The following BAIAP2 variants were observed in gnomAD, a reference collection of about 807,000 sequenced individuals.
BAIAP2 encodes BAR/IMD domain containing adaptor protein 2, also known as BAR/IMD domain-containing adapter protein 2.
Under a neutral mutation model 63.0 loss-of-function variants are expected in BAIAP2, and 18 were observed. That is an observed-to-expected ratio of 0.29 (90% CI 0.20 to 0.42). The LOEUF (loss-of-function observed/expected upper bound fraction) is 0.42, where lower values mean the gene tolerates loss of function less well. Ranked by LOEUF, BAIAP2 falls within the 10% of genes least tolerant of loss-of-function variation. The probability of loss-of-function intolerance (pLI) is 1.00; values close to 1 mark genes in which losing one functional copy is unlikely to be tolerated. For synonymous variants in BAIAP2, 386 were observed against 307.6 expected (o/e 1.25, Z -2.67); for missense variants, 610 against 734.3 (o/e 0.83, Z 1.96).
chr17:81,063,962 C>G (rs200022957), intron 3 of BAIAP2: 2 of 124,886 alleles, frequency 1.6e-5, no homozygotes, highest in South Asian at 2.7e-4. Flanking sequence ...TCAGCTCAGA[C>G]CAGCCCCTTG....
chr17:81,116,249 G>A lies in BAIAP2; in HGVS notation c.*410G>A, dbSNP rs1231136990. On this transcript the variant is annotated 3_prime_UTR_variant, in exon 14 of 14. Coordinates refer to ENST00000428708, the MANE Select transcript of BAIAP2 (RefSeq NM_001144888.2). ...CACCAGGTGTGATCTGTCCGCCCAA[G>A]GGCCAGAAGGCCGGGAGCACGGGGA... The A allele has an allele frequency of 1.2e-6, 2 of 1,612,648 alleles. No individual in the cohort carries two copies. Among genetic ancestry groups the A allele is most frequent in the Non-Finnish European group, 1.7e-6 (2 of 1,179,800 alleles).
At chr17:81,078,103 G>A (rs1224089826) in intron 3 of BAIAP2, among the ~76,000 whole-genome samples, 2 of 146,622 alleles carry the variant, frequency 1.4e-5, no homozygotes, top group Non-Finnish European at 3.0e-5. Context: ...CGGTGCGGGT[G>A]TCGTCTTGGG....
chr17:81,079,539 C>G (rs895464281), intron 3 of BAIAP2, among the ~76,000 whole-genome samples: 1 of 152,000 alleles, frequency 6.6e-6, no homozygotes, highest in Non-Finnish European at 1.5e-5. Context: ...TCCTCACTCC[C>G]CAGCATCCCT....
intron 1 of BAIAP2, among the ~76,000 whole-genome samples, chr17:81,036,699 C>T (rs148850544): frequency 6.6e-5 from 10 of 152,296 alleles, no homozygotes; most frequent in Middle Eastern, 3.4e-3. Context: ...CCTGAGGAGT[C>T]GGCTTGGGAA....
At chr17:81,112,291 G>C (rs1487505421) in intron 13 of BAIAP2, among the ~76,000 whole-genome samples, 5 of 152,248 alleles carry the variant, frequency 3.3e-5, no homozygotes, top group African/African-American at 1.2e-4. Flanking sequence ...GGAGGGCAGA[G>C]ACCCTGGGTA....
In BAIAP2 at chr17:81,054,659, G is replaced by A. The variant is rs572516913; in HGVS notation, c.130+916G>A. On this transcript the variant is annotated intron_variant, in intron 2 of 13. Transcript: ENST00000428708. ...GCAGCTTCGGGTTTGAGAAATGAGC[G>A]AACGCCCTGCAGCTCCTTCTCACAA... 2.7e-4 allele frequency among the ~76,000 whole-genome samples: 41 copies of A among 152,282 alleles called. 1 individual carries two copies. The South Asian group carries it at 3.7e-3, about 14-fold the overall frequency.
chr17:81,052,175 G>T (rs1400981660), intron 1 of BAIAP2, among the ~76,000 whole-genome samples: 1 of 152,182 alleles, frequency 6.6e-6, no homozygotes, highest in African/African-American at 2.4e-5. Context: ...CCCTGCCTCG[G>T]GGCCTTTGCC....
At chr17:81,071,022 T>C (rs1568113049) in intron 3 of BAIAP2, among the ~76,000 whole-genome samples, 1 of 152,054 alleles carries the variant, frequency 6.6e-6, no homozygotes. Flanking sequence ...GGTGGCTCTT[T>C]GGACTTGCTT....
chr17:81,103,519 G>A lies in BAIAP2; in HGVS notation c.660G>A (p.Ala220=), dbSNP rs757987780. The A allele has an allele frequency of 9.5e-6, 15 of 1,580,832 alleles. No homozygotes were observed. Among genetic ancestry groups the A allele is most frequent in the African/African-American group, 5.4e-5 (4 of 74,378 alleles). Residue 220 remains alanine, a synonymous_variant, in exon 8 of 14, where the codon GCG becomes GCA. Transcript: ENST00000428708. The part of the protein sequence containing the change: ...AYHSKGKELL[A]QKLPLWQQAC... Reference sequence around the variant, plus strand: ...CACTTCAGGGCAAGGAGCTGCTGGCGCAGAAGCTGCCGCTGTGGCAACAGG... The same window carrying A: ...CACTTCAGGGCAAGGAGCTGCTGGCACAGAAGCTGCCGCTGTGGCAACAGG...
At chr17:81,077,712 G>A (rs2053892772) in intron 3 of BAIAP2, among the ~76,000 whole-genome samples, 1 of 152,274 alleles carries the variant, frequency 6.6e-6, no homozygotes, top group South Asian at 2.1e-4. Context: ...GGCTGTGGGA[G>A]CGGGTGCCGT....
At position 81,116,419 on chromosome 17, in the gene BAIAP2, G is replaced by C. The variant is rs2060538401; in HGVS notation, c.*580G>C. The stretch of plus-strand genomic sequence containing the variant: ...TCTCCTGGGCCCCTCACTCCCACTG[G>C]CAATGTCACAAGGGCCTCCCCAGGC... On this transcript the variant is annotated 3_prime_UTR_variant, in exon 14 of 14. Transcript: ENST00000428708. 1 of 1,397,688 alleles carries C rather than the reference G, an allele frequency of 7.2e-7. No individual in the cohort carries two copies. The highest frequency in any genetic ancestry group is 2.5e-5 in the East Asian group (1 of 40,334). 86.6% of individuals were successfully genotyped at this position (1,397,688 alleles called of 1,614,324 possible).
intron 6 of BAIAP2, among the ~76,000 whole-genome samples, chr17:81,099,178 G>C (rs1211153453): frequency 2.6e-5 from 1 of 37,852 alleles, no homozygotes; most frequent in Non-Finnish European, 5.4e-5. Context: ...CTTGCTTTCT[G>C]GGCTCCCAGT....
chr17:81,043,727 G>C (rs1372044928), intron 1 of BAIAP2, among the ~76,000 whole-genome samples: 1 of 152,054 alleles, frequency 6.6e-6, no homozygotes, highest in African/African-American at 2.4e-5. Flanking sequence ...CTGCCTGACA[G>C]GGGATCCTCG....
rs991907530 is a variant in BAIAP2, at chr17:81,107,329, G to A, written c.1500+422G>A. ...CTCCCTCAGTCACATCCATGAGATG[G>A]GAGTGCTTGCTGCTCAGCCCTGGCA... On this transcript the variant is annotated intron_variant, in intron 12 of 13. Coordinates refer to ENST00000428708, the MANE Select transcript of BAIAP2 (RefSeq NM_001144888.2). The A allele has an allele frequency of 5.2e-5, 9 of 173,364 alleles. No homozygotes were observed. In the East Asian group the frequency reaches 1.4e-3, roughly 26 times the overall value. 10.7% of individuals were successfully genotyped at this position (173,364 alleles called of 1,614,324 possible).
At chr17:81,093,238 A>C (rs2057094302) in intron 6 of BAIAP2, among the ~76,000 whole-genome samples, 1 of 152,132 alleles carries the variant, frequency 6.6e-6, no homozygotes, top group Non-Finnish European at 1.5e-5. Context: ...CCCTGCTCAG[A>C]ATCGCACTGG....
chr17:81,053,590 C>T, intron 1 of BAIAP2, 78 bp from the exon 2 acceptor site: 3 of 1,525,852 alleles, frequency 2.0e-6, no homozygotes, highest in Non-Finnish European at 2.7e-6. Context: ...TCTGGGTTTT[C>T]TCCTCTGTGT....
intron 3 of BAIAP2, among the ~76,000 whole-genome samples, chr17:81,078,185 T>C (rs1363073114): frequency 8.1e-6 from 1 of 124,132 alleles, no homozygotes; most frequent in Non-Finnish European, 1.7e-5. Flanking sequence ...CCGTATTGGG[T>C]GGGAGCCGGA....
chr17:81,061,866 T>C (rs1320414927), intron 3 of BAIAP2, among the ~76,000 whole-genome samples: 1 of 152,248 alleles, frequency 6.6e-6, no homozygotes, highest in Admixed American at 6.5e-5. Flanking sequence ...CTGTATACTC[T>C]AGATGGAAGT....
chr17:81,100,029 G>A lies in BAIAP2; in HGVS notation c.591G>A (p.Leu197=). Reference sequence around the variant, plus strand: ...AGGAGCGCAGGCGCTTCTGCTTCCTGGTGGAGAAGCAGTGCGCCGTGGCCA... The same window carrying A: ...AGGAGCGCAGGCGCTTCTGCTTCCTAGTGGAGAAGCAGTGCGCCGTGGCCA... ...LTEERRRFCF[L]VEKQCAVAKN... Residue 197 remains leucine, a synonymous_variant, in exon 7 of 14, where the codon CTG becomes CTA. Coordinates refer to ENST00000428708, the MANE Select transcript of BAIAP2 (RefSeq NM_001144888.2). The A allele has an allele frequency of 6.2e-7, 1 of 1,612,886 alleles. No individual in the cohort carries two copies. The highest frequency in any genetic ancestry group is 8.5e-7 in the Non-Finnish European group (1 of 1,179,962).
Sources: allele counts gnomAD v4.1 joint callset (sites outside exome capture counted in the v4.1 genomes callset), GRCh38; gene constraint gnomAD v4.1.1; transcripts MANE v1.5; gene names NCBI Gene and HGNC (gene_info 2026-07-23, HGNC 2026-07-21).